Variants in CAST observed in about 807,000 individuals in gnomAD.
CAST encodes the protein calpastatin.
In CAST, 76 loss-of-function variants were observed where a neutral mutation model predicts 119.6. The observed-to-expected ratio is 0.64, with a 90% CI of 0.53 to 0.77. The LOEUF (loss-of-function observed/expected upper bound fraction) is 0.77. Ranked by LOEUF, CAST falls within the 30% of genes least tolerant of loss-of-function variation. The pLI, the probability that CAST is intolerant of heterozygous loss-of-function variation, is 0.00. For missense variants in CAST, 953 were observed against 946.5 expected (o/e 1.01, Z -0.09); for synonymous variants, 319 against 331.6 (o/e 0.96, Z 0.41).
chr5:96,425,343 C>T, the CAST span, among the ~76,000 whole-genome samples: 6 of 152,178 alleles, frequency 3.9e-5, no homozygotes, highest in African/African-American at 1.4e-4. Context: ...TAGACATTTG[C>T]AATAGACTTT....
At chr5:96,596,107 C>T (rs1159991164) in intron 1 of CAST, among the ~76,000 whole-genome samples, 1 of 152,146 alleles carries the variant, frequency 6.6e-6, no homozygotes, top group Non-Finnish European at 1.5e-5. Context: ...CTAATCTCAT[C>T]CCCCAGAACC....
At chr5:96,247,851 A>G in the CAST span, 4 of 152,412 alleles carry the variant, frequency 2.6e-5, no homozygotes, top group East Asian at 5.8e-4. Context: ...CCAGTCTCCA[A>G]AGAAAACTGC....
chr5:96,484,781 C>G, the CAST span, among the ~76,000 whole-genome samples: 1 of 152,068 alleles, frequency 6.6e-6, no homozygotes, highest in Non-Finnish European at 1.5e-5. Context: ...AGCATGATCA[C>G]AGACCTAGGA....
At chr5:96,258,774 A>G in the CAST span, among the ~76,000 whole-genome samples, 2 of 151,578 alleles carry the variant, frequency 1.3e-5, no homozygotes, top group African/African-American at 4.9e-5. Flanking sequence ...TTCATAATGA[A>G]TTCATCTAAC....
chr5:95,985,552 C>A, the CAST span, among the ~76,000 whole-genome samples: 1 of 152,188 alleles, frequency 6.6e-6, no homozygotes, highest in Non-Finnish European at 1.5e-5. Flanking sequence ...TCTTTTGAGT[C>A]TGTGTCTCAC....
chr5:96,459,202 A>G, the CAST span, among the ~76,000 whole-genome samples: 1 of 152,148 alleles, frequency 6.6e-6, no homozygotes, highest in African/African-American at 2.4e-5. Context: ...TTTCTCCTTA[A>G]CAGAAATAAA....
At chr5:96,205,968 G>A in the CAST span, among the ~76,000 whole-genome samples, 1 of 151,792 alleles carries the variant, frequency 6.6e-6, no homozygotes, top group South Asian at 2.1e-4. Context: ...CTGCAGCCTT[G>A]CCATCATCTG....
the CAST span, among the ~76,000 whole-genome samples, chr5:95,999,058 T>G: frequency 6.6e-6 from 1 of 152,134 alleles, no homozygotes; most frequent in East Asian, 1.9e-4. Context: ...TTTTGAGATT[T>G]TTTTAGTGAC....
At chr5:96,670,429 T>A (rs997665901) in intron 1 of CAST, among the ~76,000 whole-genome samples, 1 of 152,240 alleles carries the variant, frequency 6.6e-6, no homozygotes, top group Non-Finnish European at 1.5e-5. Context: ...TTTTCACAGC[T>A]GGACTTAATG....
chr5:96,035,759 T>TTGTG, the CAST span, among the ~76,000 whole-genome samples: 467 of 149,612 alleles, frequency 3.1e-3, 1 homozygote, highest in African/African-American at 8.7e-3. Context: ...GTCTGTGTGT[T>TTGTG]TGTGTGTGTG....
chr5:96,431,994 C>T, the CAST span: 1 of 889,446 alleles, frequency 1.1e-6, no homozygotes, highest in Non-Finnish European at 1.8e-6. Flanking sequence ...GTCTTGACGC[C>T]CACCCACCTC....
the CAST span, among the ~76,000 whole-genome samples, chr5:96,083,857 G>A: frequency 6.6e-6 from 1 of 152,190 alleles, no homozygotes; most frequent in Admixed American, 6.5e-5. Flanking sequence ...AAACCATGGT[G>A]TGGTGGTTCG....
the CAST span, among the ~76,000 whole-genome samples, chr5:96,132,982 C>T: frequency 6.6e-5 from 10 of 152,162 alleles, no homozygotes; most frequent in African/African-American, 2.4e-4. Context: ...CAGATTAGAG[C>T]TTCAGAAATA....
chr5:96,283,820 A>G, the CAST span, among the ~76,000 whole-genome samples: 1 of 152,246 alleles, frequency 6.6e-6, no homozygotes, highest in Non-Finnish European at 1.5e-5. Flanking sequence ...TATTTAGCTT[A>G]GTTCCTTTCT....
chr5:96,035,764 T>A, the CAST span, among the ~76,000 whole-genome samples: 1 of 151,578 alleles, frequency 6.6e-6, no homozygotes, highest in African/African-American at 2.4e-5. Context: ...TGTGTTTGTG[T>A]GTGTGTGTGT....
chr5:96,204,208 C>T, the CAST span, among the ~76,000 whole-genome samples: 5 of 152,126 alleles, frequency 3.3e-5, no homozygotes, highest in Admixed American at 3.3e-4. Context: ...AGCCTGATTG[C>T]AGGAAACTGG....
At chr5:96,368,933 G>A in the CAST span, among the ~76,000 whole-genome samples, 1 of 151,988 alleles carries the variant, frequency 6.6e-6, no homozygotes, top group Admixed American at 6.6e-5. Context: ...CTAAAGCTTG[G>A]TATTGCTGTT....
At chr5:96,522,699 G>A (rs1248768382), upstream of CAST, among the ~76,000 whole-genome samples, 2 of 152,044 alleles carry the variant, frequency 1.3e-5, no homozygotes, top group African/African-American at 4.8e-5. Context: ...CATTCCATTC[G>A]CAGGTATTTC....
chr5:96,041,273 C>A, the CAST span, among the ~76,000 whole-genome samples: 3 of 151,986 alleles, frequency 2.0e-5, no homozygotes, highest in East Asian at 1.9e-4. Context: ...AAAAATGACC[C>A]TTTATTTTTA....
Sources: gnomAD v4.1 joint callset for allele counts (sites outside exome capture counted in the v4.1 genomes callset) on GRCh38, gnomAD v4.1.1 for gene constraint, MANE v1.5 for transcripts, NCBI Gene and HGNC (gene_info 2026-07-23, HGNC 2026-07-21) for gene names.